Variants in AKAP19 observed in about 807,000 individuals in gnomAD.
The protein encoded by AKAP19 is A-kinase anchoring protein 19, also known as small A-kinase anchoring protein.
chr2:189,923,805 T>A, the AKAP19 span: 42,539 of 1,605,852 alleles, frequency 0.026, no homozygotes, highest in Non-Finnish European at 0.03. Flanking sequence ...CAAAGGGGCA[T>A]AAGTGGCTTC....
At chr2:190,199,647 A>G in the AKAP19 span, 3 of 1,213,826 alleles carry the variant, frequency 2.5e-6, no homozygotes, top group Admixed American at 3.0e-5. Context: ...TCAATCATAC[A>G]CTATTTTGCA....
the AKAP19 span, among the ~76,000 whole-genome samples, chr2:190,026,932 A>G: frequency 6.6e-6 from 1 of 152,224 alleles, no homozygotes; most frequent in Non-Finnish European, 1.5e-5. Context: ...ATACTGTTGT[A>G]TTAAAGTACT....
At chr2:189,950,028 G>GTTTTT in the AKAP19 span, among the ~76,000 whole-genome samples, 1,801 of 113,934 alleles carry the variant, frequency 0.016, 153 homozygotes, top group African/African-American at 0.046. Context: ...TTGGTTTTGG[G>GTTTTT]TTTTTTTTTT....
At chr2:190,038,993 T>TC in the AKAP19 span, among the ~76,000 whole-genome samples, 4 of 133,700 alleles carry the variant, frequency 3.0e-5, no homozygotes, top group African/African-American at 1.4e-4. Context: ...CTTCCTTTCT[T>TC]TCTTCTCTTC....
chr2:189,966,236 C>A, the AKAP19 span, among the ~76,000 whole-genome samples: 1 of 151,892 alleles, frequency 6.6e-6, no homozygotes, highest in East Asian at 1.9e-4. Context: ...AATTGGGTTC[C>A]GTGTGTACTA....
the AKAP19 span, among the ~76,000 whole-genome samples, chr2:189,914,812 T>C: frequency 6.6e-6 from 1 of 152,048 alleles, no homozygotes; most frequent in Admixed American, 6.6e-5. Flanking sequence ...ATTTTATAGA[T>C]GAGAAAATTG....
the AKAP19 span, among the ~76,000 whole-genome samples, chr2:189,888,724 A>G: frequency 2.6e-5 from 4 of 152,166 alleles, no homozygotes; most frequent in Non-Finnish European, 5.9e-5. Context: ...GAGTTCACTC[A>G]TGATTTGGCT....
At chr2:189,928,656 A>G in the AKAP19 span, among the ~76,000 whole-genome samples, 397 of 152,238 alleles carry the variant, frequency 2.6e-3, no homozygotes, top group Non-Finnish European at 4.2e-3. Flanking sequence ...CATGGGGCTC[A>G]TAAGGAAATT....
the AKAP19 span, among the ~76,000 whole-genome samples, chr2:189,958,128 C>T: frequency 2.6e-5 from 4 of 152,126 alleles, no homozygotes; most frequent in Admixed American, 1.3e-4. Flanking sequence ...ATATTTGCTA[C>T]GTATAATTGA....
chr2:189,956,449 G>A, the AKAP19 span, among the ~76,000 whole-genome samples: 1 of 152,028 alleles, frequency 6.6e-6, no homozygotes, highest in Non-Finnish European at 1.5e-5. Flanking sequence ...GATTACAGGC[G>A]TGAGCCACCG....
chr2:189,963,853 T>G, the AKAP19 span, among the ~76,000 whole-genome samples: 18 of 151,890 alleles, frequency 1.2e-4, no homozygotes, highest in East Asian at 3.5e-3. Flanking sequence ...AGCCTCGACC[T>G]CCCAGGATCA....
At chr2:190,075,786 C>T in the AKAP19 span, among the ~76,000 whole-genome samples, 1 of 151,942 alleles carries the variant, frequency 6.6e-6, no homozygotes, top group Non-Finnish European at 1.5e-5. Context: ...TTTATTCAGT[C>T]TTATAACTTC....
At chr2:190,001,082 C>T in the AKAP19 span, among the ~76,000 whole-genome samples, 1 of 152,056 alleles carries the variant, frequency 6.6e-6, no homozygotes, top group African/African-American at 2.4e-5. Flanking sequence ...GTTCTTCTAC[C>T]ATCTTGAATA....
the AKAP19 span, among the ~76,000 whole-genome samples, chr2:190,096,304 A>G: frequency 6.6e-6 from 1 of 152,248 alleles, no homozygotes; most frequent in Non-Finnish European, 1.5e-5. Flanking sequence ...ATGTTGGTAC[A>G]TTACAAAGTT....
chr2:190,150,593 C>CT, the AKAP19 span: 1 of 153,784 alleles, frequency 6.5e-6, no homozygotes, highest in East Asian at 1.9e-4. Flanking sequence ...AGTCCACTTC[C>CT]TTCAGAGGGT....
At chr2:189,900,150 A>G in the AKAP19 span, among the ~76,000 whole-genome samples, 1 of 152,218 alleles carries the variant, frequency 6.6e-6, no homozygotes. Context: ...TTAAAACAGT[A>G]TTGAATTGTT....
chr2:190,051,791 A>G, the AKAP19 span, among the ~76,000 whole-genome samples: 33 of 150,838 alleles, frequency 2.2e-4, no homozygotes, highest in African/African-American at 7.6e-4. Flanking sequence ...AGGGAGGAGT[A>G]CACTCATCTG....
At chr2:190,055,817 T>C in the AKAP19 span, 2 of 152,110 alleles carry the variant, frequency 1.3e-5, no homozygotes, top group African/African-American at 2.4e-5. Context: ...AAAATCCCAA[T>C]TTACAAAACA....
the AKAP19 span, among the ~76,000 whole-genome samples, chr2:189,994,016 C>CT: frequency 0.16 from 21,981 of 141,808 alleles, 1,698 homozygotes; most frequent in Middle Eastern, 0.26. Flanking sequence ...CTGCTCTGAT[C>CT]TTTTTTTTTT....
Sources: gnomAD v4.1 joint callset for allele counts (sites outside exome capture counted in the v4.1 genomes callset) on GRCh38, gnomAD v4.1.1 for gene constraint, MANE v1.5 for transcripts, NCBI Gene and HGNC (gene_info 2026-07-23, HGNC 2026-07-21) for gene names.